The following GPATCH2 variants were observed in gnomAD, a reference collection of about 807,000 sequenced individuals.
GPATCH2 encodes the protein G-patch domain containing 2.
GPATCH2 carries 51 observed loss-of-function variants against 58.0 expected under a neutral mutation model. The observed-to-expected ratio is 0.88, with a 90% CI of 0.70 to 1.11. The LOEUF is 1.11. GPATCH2 is among the 50% of genes most tolerant of loss of function. The probability of loss-of-function intolerance (pLI) is 0.00; values close to 1 mark genes in which losing one functional copy is unlikely to be tolerated. For missense variants in GPATCH2, 625 were observed against 652.2 expected (o/e 0.96, Z 0.45); for synonymous variants, 222 against 218.5 (o/e 1.02, Z -0.14).
At position 217,530,307 on chromosome 1, in the gene GPATCH2, G is replaced by A. The variant is rs568776403; in HGVS notation, c.1099-15418C>T. ...TAACTTCTCCATGTTTCAGTGTTAT[G>A]ACTGTCTCAATTGCTTCATCTACAA... On this transcript the variant is annotated intron_variant, in intron 5 of 9. Transcript: ENST00000366935. 2.6e-5 allele frequency among the ~76,000 whole-genome samples: 4 copies of A among 152,328 alleles called. No homozygotes were observed. The East Asian group carries it at 7.7e-4, about 29-fold the overall frequency.
chr1:217,566,251 A>G (rs1280522751), intron 5 of GPATCH2, among the ~76,000 whole-genome samples: 1 of 152,174 alleles, frequency 6.6e-6, no homozygotes, highest in Non-Finnish European at 1.5e-5. Flanking sequence ...ATCCAGCCTC[A>G]GCTGAAGCAA....
intron 5 of GPATCH2, among the ~76,000 whole-genome samples, chr1:217,549,347 T>C (rs1256671214): frequency 6.6e-6 from 1 of 152,228 alleles, no homozygotes; most frequent in Non-Finnish European, 1.5e-5. Flanking sequence ...GTTCCATATA[T>C]CTGTTATGTC....
At chr1:217,565,232 T>C (rs1440330800) in intron 5 of GPATCH2, among the ~76,000 whole-genome samples, 2 of 152,162 alleles carry the variant, frequency 1.3e-5, no homozygotes, top group East Asian at 1.9e-4. Context: ...TAAATCTATA[T>C]ATAAAATACT....
Position 217,431,294 on chromosome 1 carries a change from A to G in GPATCH2, c.1438T>C (p.Trp480Arg). The G allele has an allele frequency of 6.2e-7, 1 of 1,608,870 alleles. No individual in the cohort carries two copies. The change falls in exon 10 of 10, where the codon TGG (tryptophan) becomes CGG (arginine). Residue 480 changes from tryptophan (W) to arginine (R), a missense_variant. Transcript: ENST00000366935. ...IGNRMLQNMG[W>R]TPGSGLGRDG... ...CGTCCAAGGCCTGACCCAGGCGTCCAGCCCATATTCTGAAGCATTCGGTTT... is the reference window on the plus strand; with the variant it reads ...CGTCCAAGGCCTGACCCAGGCGTCCGGCCCATATTCTGAAGCATTCGGTTT...
intron 5 of GPATCH2, among the ~76,000 whole-genome samples, chr1:217,551,805 T>C (rs913242963): frequency 6.6e-6 from 1 of 151,942 alleles, no homozygotes; most frequent in Middle Eastern, 3.2e-3. Flanking sequence ...GAAACCAGAG[T>C]TTAGAGGGGT....
At chr1:217,586,018 T>C (rs575404375) in intron 5 of GPATCH2, among the ~76,000 whole-genome samples, 1 of 152,272 alleles carries the variant, frequency 6.6e-6, no homozygotes, top group African/African-American at 2.4e-5. Context: ...ATGGTATACC[T>C]GTATAGGGCA....
rs542742532 is a variant in GPATCH2, at chr1:217,432,443, A to G, written c.1367-1078T>C. On this transcript the variant is annotated intron_variant, in intron 9 of 9. Transcript: ENST00000366935. ...AAATCCAAGGATGGAGAAATTAACA[A>G]ACACCATAACAGTCAAAAAATACAA... is the stretch of plus-strand genomic sequence containing the variant. Among the ~76,000 whole-genome samples, 58 of 152,312 alleles carry G rather than the reference A, an allele frequency of 3.8e-4. 1 individual carries two copies. The highest frequency in any genetic ancestry group is 1.4e-3 in the African/African-American group (57 of 41,566).
intron 6 of GPATCH2, among the ~76,000 whole-genome samples, chr1:217,503,654 G>A (rs1398852457): frequency 2.0e-5 from 3 of 152,110 alleles, no homozygotes; most frequent in Non-Finnish European, 4.4e-5. Flanking sequence ...AAAGCTGAAA[G>A]AGTATTAGGT....
intron 6 of GPATCH2, among the ~76,000 whole-genome samples, chr1:217,513,057 AG>A (rs1452685535): frequency 6.6e-6 from 1 of 152,176 alleles, no homozygotes; most frequent in African/African-American, 2.4e-5. Flanking sequence ...TGGGAGGCCA[AG>A]GTGGGCAGAA....
intron 9 of GPATCH2, among the ~76,000 whole-genome samples, chr1:217,440,789 A>G (rs977399280): frequency 1.3e-5 from 2 of 152,186 alleles, no homozygotes; most frequent in Non-Finnish European, 2.9e-5. Flanking sequence ...ACTTAGGAAT[A>G]CAACTTAAAA....
intron 5 of GPATCH2, among the ~76,000 whole-genome samples, chr1:217,543,069 A>G (rs1269677117): frequency 6.6e-6 from 1 of 152,176 alleles, no homozygotes; most frequent in African/African-American, 2.4e-5. Context: ...TTTTACCTAC[A>G]TCAGTCCACT....
chr1:217,581,151 G>A (rs1039176458), intron 5 of GPATCH2, among the ~76,000 whole-genome samples: 2 of 152,000 alleles, frequency 1.3e-5, no homozygotes, highest in East Asian at 1.9e-4. Flanking sequence ...AAGCATCTCC[G>A]CTCTACACTT....
chr1:217,498,362 A>T lies in GPATCH2; in HGVS notation c.1200T>A (p.His400Gln). The T allele has an allele frequency of 6.2e-7, 1 of 1,612,506 alleles. No individual in the cohort carries two copies. Among genetic ancestry groups the T allele is most frequent in the South Asian group, 1.1e-5 (1 of 91,054 alleles). The change falls in exon 7 of 10, where the codon CAT (histidine) becomes CAA (glutamine). Residue 400 changes from histidine to glutamine, a missense_variant. Transcript: ENST00000366935. Reference sequence around the variant, plus strand: ...GGATTACAATGGTCCTTACCTGGTCATGCTCTGTCCTAGCCCCAGGGCTAA... The same window carrying T: ...GGATTACAATGGTCCTTACCTGGTCTTGCTCTGTCCTAGCCCCAGGGCTAA... ...HWFSPGARTE[H>Q]DQHQLLRDNR...
intron 5 of GPATCH2, among the ~76,000 whole-genome samples, chr1:217,555,539 T>C (rs934040092): frequency 6.6e-6 from 1 of 152,182 alleles, no homozygotes; most frequent in South Asian, 2.1e-4. Flanking sequence ...CACTTTTACT[T>C]ACTCTCGGGA....
chr1:217,487,563 C>A (rs1481974771), intron 8 of GPATCH2, among the ~76,000 whole-genome samples: 9 of 151,336 alleles, frequency 5.9e-5, no homozygotes, highest in Non-Finnish European at 1.5e-5. Flanking sequence ...GTAGCTGGGA[C>A]TACAGGCAGG....
At chr1:217,564,290 T>C (rs980533492) in intron 5 of GPATCH2, among the ~76,000 whole-genome samples, 3 of 152,164 alleles carry the variant, frequency 2.0e-5, no homozygotes, top group Admixed American at 1.3e-4. Flanking sequence ...CAATTAGCCC[T>C]CATGTAAAAA....
intron 5 of GPATCH2, among the ~76,000 whole-genome samples, chr1:217,563,280 C>T (rs766527210): frequency 6.6e-6 from 1 of 152,070 alleles, no homozygotes; most frequent in Non-Finnish European, 1.5e-5. Flanking sequence ...AGTATATATT[C>T]AGGAACCTTA....
At chr1:217,526,323 C>T (rs1254990018) in intron 5 of GPATCH2, among the ~76,000 whole-genome samples, 4 of 152,130 alleles carry the variant, frequency 2.6e-5, no homozygotes, top group Admixed American at 2.6e-4. Flanking sequence ...GGCAACCATT[C>T]AATCATTCAA....
At chr1:217,438,712 C>G (rs1215907421) in intron 9 of GPATCH2, among the ~76,000 whole-genome samples, 1 of 151,960 alleles carries the variant, frequency 6.6e-6, no homozygotes, top group Non-Finnish European at 1.5e-5. Flanking sequence ...AAATATGGGA[C>G]CATGTGAAAA....
Sources: gnomAD v4.1 joint callset for allele counts (sites outside exome capture counted in the v4.1 genomes callset) on GRCh38, gnomAD v4.1.1 for gene constraint, MANE v1.5 for transcripts, NCBI Gene and HGNC (gene_info 2026-07-23, HGNC 2026-07-21) for gene names.